The following GLRA1 variants were observed in gnomAD, a reference collection of about 807,000 sequenced individuals.
GLRA1 encodes glycine receptor subunit alpha-1.
A neutral mutation model predicts 48.3 loss-of-function variants in GLRA1; 37 were observed. The ratio of observed to expected loss-of-function variants is 0.77; its 90% CI spans 0.59 to 1.01. The LOEUF (loss-of-function observed/expected upper bound fraction) is 1.01. GLRA1 is among the 50% of genes least tolerant of loss of function. GLRA1 has a pLI of 0.00. For synonymous variants in GLRA1, 196 were observed against 210.7 expected (o/e 0.93, Z 0.60); for missense variants, 427 against 571.0 (o/e 0.75, Z 2.57).
chr5:151,895,938 C>T (rs144039704), intron 1 of GLRA1, among the ~76,000 whole-genome samples: 1 of 152,068 alleles, frequency 6.6e-6, no homozygotes, highest in Non-Finnish European at 1.5e-5. Context: ...TCATAAGCTC[C>T]CGTACTCTCT....
intron 7 of GLRA1, among the ~76,000 whole-genome samples, chr5:151,845,139 A>G (rs1431815892): frequency 1.3e-5 from 2 of 152,202 alleles, no homozygotes; most frequent in Non-Finnish European, 1.5e-5. Flanking sequence ...GAATATAGTG[A>G]GAAGTCACCC....
At chr5:151,869,075 T>A (rs10062169) in intron 3 of GLRA1, among the ~76,000 whole-genome samples, 60,578 of 151,824 alleles carry the variant, frequency 0.4, 12,253 homozygotes, top group South Asian at 0.45. Flanking sequence ...TTCTGTTTAT[T>A]GGGTGTATTG....
intron 3 of GLRA1, among the ~76,000 whole-genome samples, chr5:151,870,416 T>C (rs1243142800): frequency 1.3e-5 from 2 of 149,718 alleles, no homozygotes; most frequent in Non-Finnish European, 2.9e-5. Flanking sequence ...CTCTGAGAGT[T>C]AAAAAACAAA....
chr5:151,836,075 C>CA (rs1475918981), intron 7 of GLRA1, among the ~76,000 whole-genome samples: 1 of 152,138 alleles, frequency 6.6e-6, no homozygotes, highest in Admixed American at 6.5e-5. Flanking sequence ...TGTCTCAGCC[C>CA]AAAATCTCTT....
intron 1 of GLRA1, among the ~76,000 whole-genome samples, 172 bp downstream of exon 1, chr5:151,924,322 G>T (rs1036964971): frequency 1.3e-5 from 2 of 150,664 alleles, no homozygotes; most frequent in Non-Finnish European, 3.0e-5. Flanking sequence ...GGGGTGGGGT[G>T]GGTGGCGGGG....
intron 7 of GLRA1, among the ~76,000 whole-genome samples, chr5:151,839,420 A>G (rs1763657057): frequency 1.3e-5 from 2 of 152,228 alleles, no homozygotes; most frequent in African/African-American, 4.8e-5. Context: ...GAGTAAATCA[A>G]TGATTGTAAA....
intron 7 of GLRA1, among the ~76,000 whole-genome samples, chr5:151,844,786 G>A (rs1457465421): frequency 3.3e-5 from 5 of 151,980 alleles, no homozygotes; most frequent in African/African-American, 1.2e-4. Flanking sequence ...AGTCCATTTT[G>A]TGTTACTTCA....
rs1404200325 is a variant in GLRA1, at chr5:151,924,778, A to C, written c.-229T>G. 1.6e-6 allele frequency: 1 copy of C among 608,134 alleles called. No individual in the cohort carries two copies. Among genetic ancestry groups the C allele is most frequent in the Non-Finnish European group, 2.9e-6 (1 of 339,948 alleles). The allele number at this position is 608,134 out of a possible 1,614,324, so 37.7% of individuals were successfully genotyped here. ...TTTCAGCACCACGGAGAGCGTCCAG[A>C]CCTGCTTTTCAGGAGCGCGAAGAGT... On this transcript the variant is annotated 5_prime_UTR_variant, in exon 1 of 9. Transcript: ENST00000274576.
chr5:151,903,787 A>C (rs1323439899), intron 1 of GLRA1, among the ~76,000 whole-genome samples: 1 of 152,236 alleles, frequency 6.6e-6, no homozygotes, highest in Admixed American at 6.5e-5. Context: ...ACTGTTCCAT[A>C]CAGGCTTTCT....
intron 6 of GLRA1, among the ~76,000 whole-genome samples, chr5:151,854,105 G>A (rs1752976542): frequency 6.6e-6 from 1 of 152,212 alleles, no homozygotes; most frequent in African/African-American, 2.4e-5. Flanking sequence ...TGGTATGTGA[G>A]GGTCAGTTGT....
intron 1 of GLRA1, among the ~76,000 whole-genome samples, chr5:151,901,828 A>G (rs1349500059): frequency 3.3e-5 from 5 of 152,210 alleles, no homozygotes; most frequent in African/African-American, 4.8e-5. Context: ...TACCATGAAG[A>G]TGACATCATT....
intron 3 of GLRA1, among the ~76,000 whole-genome samples, chr5:151,884,427 T>TCAAAACGAAACAAAA (rs1581643266): frequency 1.3e-5 from 2 of 148,824 alleles, no homozygotes; most frequent in East Asian, 4.0e-4. Flanking sequence ...AAACTCTGTC[T>TCAAAACGAAACAAAA]CAAAACAAAA....
intron 1 of GLRA1, among the ~76,000 whole-genome samples, chr5:151,919,292 C>A (rs541289880): frequency 1.3e-5 from 2 of 152,020 alleles, no homozygotes; most frequent in Admixed American, 1.3e-4. Flanking sequence ...AAAACATAGG[C>A]TTTATGAGGG....
chr5:151,890,278 C>T (rs1311333229), intron 2 of GLRA1, among the ~76,000 whole-genome samples: 1 of 152,116 alleles, frequency 6.6e-6, no homozygotes, highest in Non-Finnish European at 1.5e-5. Context: ...TGGGGCTTTT[C>T]TATGTGTCAA....
chr5:151,908,574 G>A (rs1581661033), intron 1 of GLRA1, among the ~76,000 whole-genome samples: 1 of 151,930 alleles, frequency 6.6e-6, no homozygotes, highest in Non-Finnish European at 1.5e-5. Flanking sequence ...ATGAGTCCTT[G>A]GTGGAACCCA....
intron 3 of GLRA1, among the ~76,000 whole-genome samples, chr5:151,884,010 G>A (rs907103634): frequency 6.6e-6 from 1 of 152,156 alleles, no homozygotes; most frequent in African/African-American, 2.4e-5. Flanking sequence ...AGAAGTCTAA[G>A]GATTGCTCAA....
chr5:151,881,938 T>A (rs930606751), intron 3 of GLRA1, among the ~76,000 whole-genome samples: 30 of 152,312 alleles, frequency 2.0e-4, no homozygotes, highest in African/African-American at 7.0e-4. Flanking sequence ...AAACCCGGAC[T>A]ATGTCCATAT....
At position 151,829,156 on chromosome 5, in the gene GLRA1, A is replaced by G. The variant is rs943661663; in HGVS notation, c.913-89T>C. ...GCGGAATATTTTCTGCTCTTCGGTA[A>G]TTCCCCACATCACCCACTGCTGTCT... On this transcript the variant is annotated intron_variant, in intron 7 of 8. Coordinates refer to ENST00000274576, the MANE Select transcript of GLRA1 (RefSeq NM_000171.4). 31 of 1,270,680 alleles carry G rather than the reference A, an allele frequency of 2.4e-5. No homozygotes were observed. The Middle Eastern group carries it at 1.3e-3, about 52-fold the overall frequency. The allele number at this position is 1,270,680 out of a possible 1,614,324, so 78.7% of individuals were successfully genotyped here. A position where few individuals can be genotyped will look rare whatever the true frequency, so the allele number is the denominator to read the frequency against.
chr5:151,924,741 G>C lies in GLRA1; in HGVS notation c.-192C>G. 1.5e-6 allele frequency: 1 copy of C among 655,644 alleles called. No individual in the cohort carries two copies. 40.6% of individuals were successfully genotyped at this position (655,644 alleles called of 1,614,324 possible). ...GGTCGTAGATACCACGGACAGCGGC[G>C]GCTGCGAGGCGTTTCAGCACCACGG... On this transcript the variant is annotated 5_prime_UTR_variant, in exon 1 of 9. Transcript: ENST00000274576.
Sources: gnomAD v4.1 joint callset for allele counts (sites outside exome capture counted in the v4.1 genomes callset) on GRCh38, gnomAD v4.1.1 for gene constraint, MANE v1.5 for transcripts, NCBI Gene and HGNC (gene_info 2026-07-23, HGNC 2026-07-21) for gene names.